ANKS1B: variants seen among roughly 807,000 people sequenced by gnomAD.
ANKS1B encodes the protein ankyrin repeat and sterile alpha motif domain containing 1B, also known as ankyrin repeat and sterile alpha motif domain-containing protein 1B.
In ANKS1B, 36 loss-of-function variants were observed where a neutral mutation model predicts 148.3. The ratio of observed to expected loss-of-function variants is 0.24; its 90% CI spans 0.19 to 0.32. The LOEUF (loss-of-function observed/expected upper bound fraction) is 0.32. ANKS1B is among the 10% of genes least tolerant of loss of function. The pLI, the probability that ANKS1B is intolerant of heterozygous loss-of-function variation, is 1.00. For synonymous variants in ANKS1B, 542 were observed against 560.8 expected (o/e 0.97, Z 0.47); for missense variants, 1,157 against 1,542.6 (o/e 0.75, Z 4.19).
chr12:99,295,682 TG>T (rs2080771033), intron 12 of ANKS1B, among the ~76,000 whole-genome samples: 1 of 152,228 alleles, frequency 6.6e-6, no homozygotes, highest in Admixed American at 6.5e-5. Flanking sequence ...CATGGGGGTT[TG>T]TTGTACAGAT....
intron 14 of ANKS1B, chr12:99,155,217 C>T: frequency 9.2e-7 from 1 of 1,082,536 alleles, no homozygotes; most frequent in Non-Finnish European, 1.3e-6. Context: ...GTCTTTTCTT[C>T]TTCCTTTTTA....
At chr12:99,268,950 A>T (rs897911493) in intron 12 of ANKS1B, among the ~76,000 whole-genome samples, 6 of 152,254 alleles carry the variant, frequency 3.9e-5, no homozygotes, top group African/African-American at 1.4e-4. Flanking sequence ...AATGAAATTT[A>T]TACTCCTTAT....
At chr12:99,159,653 C>T (rs965567572) in intron 14 of ANKS1B, among the ~76,000 whole-genome samples, 18 of 152,016 alleles carry the variant, frequency 1.2e-4, no homozygotes, top group African/African-American at 3.9e-4. Flanking sequence ...AGGTTGATGC[C>T]GTGTCTTTGT....
At chr12:99,373,312 A>AAT (rs2093238971) in intron 12 of ANKS1B, among the ~76,000 whole-genome samples, 1 of 152,204 alleles carries the variant, frequency 6.6e-6, no homozygotes, top group Non-Finnish European at 1.5e-5. Flanking sequence ...ACAGAAATAA[A>AAT]TTCCCAGGGT....
intron 14 of ANKS1B, among the ~76,000 whole-genome samples, chr12:99,162,606 T>C (rs932992340): frequency 6.6e-6 from 1 of 152,254 alleles, no homozygotes; most frequent in South Asian, 2.1e-4. Context: ...GGTATGTATA[T>C]TCATATATAT....
chr12:99,286,546 G>A (rs1195374946), intron 12 of ANKS1B, among the ~76,000 whole-genome samples: 1 of 152,134 alleles, frequency 6.6e-6, no homozygotes, highest in Non-Finnish European at 1.5e-5. Context: ...AGGGGACTTT[G>A]CCTTGTAGTT....
Position 99,117,103 on chromosome 12 carries a change from G to A in ANKS1B, c.2527-32080C>T, listed in dbSNP as rs528661180. On this transcript the variant is annotated intron_variant, in intron 15 of 26. Transcript: ENST00000683438. ...TATCAGTGTAAAGAGATTTTGGGCTGAGATGATGGGGTTTTCTAAATATAT... is the reference window on the plus strand; with the variant it reads ...TATCAGTGTAAAGAGATTTTGGGCTAAGATGATGGGGTTTTCTAAATATAT... 2.0e-5 allele frequency among the ~76,000 whole-genome samples: 3 copies of A among 152,300 alleles called. No homozygotes were observed. In the East Asian group the frequency reaches 5.8e-4, roughly 29 times the overall value.
chr12:99,458,976 C>G (rs1337757366), intron 10 of ANKS1B, among the ~76,000 whole-genome samples: 1 of 151,932 alleles, frequency 6.6e-6, no homozygotes, highest in East Asian at 1.9e-4. Context: ...AACTACAGAC[C>G]AATATCCCTG....
intron 1 of ANKS1B, among the ~76,000 whole-genome samples, chr12:99,968,984 A>T (rs977946854): frequency 2.6e-5 from 4 of 152,092 alleles, no homozygotes; most frequent in Admixed American, 2.0e-4. Context: ...AGCCTGCAGA[A>T]CCCTGAGCCA....
rs117021051 is a variant in ANKS1B at position 99,950,009 on chromosome 12, G to A, written c.134+34095C>T. Reference sequence around the variant, plus strand: ...AGGGTCTCACTCTGTAACCCAGACTGGAGTGCAGTAGCACGATCACAGCTC... The same window carrying A: ...AGGGTCTCACTCTGTAACCCAGACTAGAGTGCAGTAGCACGATCACAGCTC... On this transcript the variant is annotated intron_variant, in intron 1 of 26. Transcript: ENST00000683438. 1.6e-3 allele frequency among the ~76,000 whole-genome samples: 247 copies of A among 152,112 alleles called. 9 individuals are homozygous for A. The East Asian group carries it at 0.04, about 25-fold the overall frequency.
intron 8 of ANKS1B, among the ~76,000 whole-genome samples, chr12:99,714,673 C>T (rs1347125973): frequency 6.6e-6 from 1 of 152,156 alleles, no homozygotes; most frequent in East Asian, 1.9e-4. Context: ...TGTGTTCTGA[C>T]TGCTCCACCA....
intron 8 of ANKS1B, among the ~76,000 whole-genome samples, chr12:99,690,111 C>T (rs964195579): frequency 6.6e-6 from 1 of 152,038 alleles, no homozygotes; most frequent in Non-Finnish European, 1.5e-5. Flanking sequence ...CAGGGAAATG[C>T]CAGATGCTTA....
chr12:99,920,539 A>G (rs1182887383), intron 1 of ANKS1B, among the ~76,000 whole-genome samples: 2 of 152,132 alleles, frequency 1.3e-5, no homozygotes, highest in African/African-American at 4.8e-5. Context: ...GAACTGACTC[A>G]CAAGATTATG....
At chr12:99,380,454 A>G (rs974876070) in intron 12 of ANKS1B, among the ~76,000 whole-genome samples, 10 of 152,208 alleles carry the variant, frequency 6.6e-5, no homozygotes, top group Non-Finnish European at 1.3e-4. Flanking sequence ...AATATTTAGG[A>G]AACAATATCA....
chr12:98,895,105 G>A (rs1394707102), intron 17 of ANKS1B: 2 of 984,476 alleles, frequency 2.0e-6, no homozygotes, highest in Non-Finnish European at 2.4e-6. Flanking sequence ...GGGGGGAGGT[G>A]TCGGCTTGGC....
intron 14 of ANKS1B, among the ~76,000 whole-genome samples, chr12:99,199,751 C>T (rs1002253824): frequency 1.3e-5 from 2 of 152,126 alleles, no homozygotes; most frequent in Admixed American, 6.6e-5. Context: ...GGTAGAAAAG[C>T]TATCTGCCAT....
intron 9 of ANKS1B, among the ~76,000 whole-genome samples, chr12:99,632,157 G>C (rs1448163403): frequency 6.6e-6 from 1 of 152,092 alleles, no homozygotes; most frequent in African/African-American, 2.4e-5. Flanking sequence ...TGGCTTAAGT[G>C]GTCCCAGGTG....
chr12:99,529,896 G>A (rs2096969873), intron 9 of ANKS1B, among the ~76,000 whole-genome samples: 2 of 152,124 alleles, frequency 1.3e-5, no homozygotes, highest in Non-Finnish European at 2.9e-5. Context: ...AATTTTTACA[G>A]ATTCTCTAAG....
At chr12:99,573,906 A>AT (rs1491553545) in intron 9 of ANKS1B, among the ~76,000 whole-genome samples, 21 of 151,856 alleles carry the variant, frequency 1.4e-4, no homozygotes, top group African/African-American at 4.4e-4. Context: ...TCAAAAAAAA[A>AT]ATTTTTTTTA....
Sources: allele counts gnomAD v4.1 joint callset (sites outside exome capture counted in the v4.1 genomes callset), GRCh38; gene constraint gnomAD v4.1.1; transcripts MANE v1.5; gene names NCBI Gene and HGNC (gene_info 2026-07-23, HGNC 2026-07-21).